TUB: variants seen among roughly 807,000 people sequenced by gnomAD.
The protein encoded by TUB is TUB bipartite transcription factor, also known as tubby protein homolog.
In TUB, 33 loss-of-function variants were observed where a neutral mutation model predicts 59.7. The ratio of observed to expected loss-of-function variants is 0.55; its 90% CI spans 0.42 to 0.74. The LOEUF (loss-of-function observed/expected upper bound fraction) is 0.74, where lower values mean the gene tolerates loss of function less well. TUB is among the 30% of genes least tolerant of loss of function. TUB has a pLI of 0.00. For missense variants in TUB, 659 were observed against 672.0 expected (o/e 0.98, Z 0.21); for synonymous variants, 293 against 256.4 (o/e 1.14, Z -1.36).
At chr11:8,084,540 G>C (rs1456076584) in intron 1 of TUB, among the ~76,000 whole-genome samples, 1 of 152,250 alleles carries the variant, frequency 6.6e-6, no homozygotes, top group African/African-American at 2.4e-5. Context: ...GGAGGACTAT[G>C]CTGGGTGGGA....
At position 8,104,863 on chromosome 11, in the gene TUB, A is replaced by G. The variant is rs1358771973; in HGVS notation, c.*3244A>G. ...CAGGACTGTGATAATCAGAAGCTAT[A>G]AGAGAACTTTCGGAGCCTGCCTCCT... On this transcript the variant is annotated 3_prime_UTR_variant, in exon 12 of 12. Coordinates refer to ENST00000299506, the MANE Select transcript of TUB (RefSeq NM_177972.3). 1.3e-5 allele frequency: 2 copies of G among 152,142 alleles called. No homozygotes were observed. Among genetic ancestry groups the G allele is most frequent in the Non-Finnish European group, 2.9e-5 (2 of 68,024 alleles). The allele number at this position is 152,142 out of a possible 1,614,324, so 9.4% of individuals were successfully genotyped here. A position where few individuals can be genotyped will look rare whatever the true frequency, so the allele number is the denominator to read the frequency against.
chr11:8,044,302 G>A (rs948253392), intron 2 of TUB, among the ~76,000 whole-genome samples: 6 of 152,064 alleles, frequency 3.9e-5, no homozygotes, highest in Middle Eastern at 3.4e-3. Context: ...TTGAATTTAC[G>A]AATCTTTGCT....
At chr11:8,024,631 C>G (rs1009663154) in intron 1 of TUB, among the ~76,000 whole-genome samples, 7 of 152,128 alleles carry the variant, frequency 4.6e-5, no homozygotes, top group African/African-American at 1.7e-4. Context: ...CAGTTCTTTG[C>G]TATTATAAAT....
chr11:8,097,433 T>TGGTCTG lies in TUB; in HGVS notation c.885+11_885+16dup. The stretch of plus-strand genomic sequence containing the variant: ...CGTGAGGATGGGAAGAAGGTAAGGT[T>TGGTCTG]GGTCTGGGCATGTTATCATCTAGGC... On this transcript the variant is annotated intron_variant, in intron 7 of 11. Coordinates refer to ENST00000299506, the MANE Select transcript of TUB (RefSeq NM_177972.3). 6.2e-7 allele frequency: 1 copy of TGGTCTG among 1,614,186 alleles called. No individual in the cohort carries two copies. Among genetic ancestry groups the TGGTCTG allele is most frequent in the Non-Finnish European group, 8.5e-7 (1 of 1,180,024 alleles).
chr11:8,030,477 C>G (rs1189087776), intron 1 of TUB, among the ~76,000 whole-genome samples: 1 of 152,158 alleles, frequency 6.6e-6, no homozygotes, highest in Non-Finnish European at 1.5e-5. Flanking sequence ...GCAGTTAGAT[C>G]TCTGGGCTCA....
chr11:8,058,173 C>T (rs1273285333), intron 2 of TUB, among the ~76,000 whole-genome samples: 1 of 149,162 alleles, frequency 6.7e-6, no homozygotes, highest in Non-Finnish European at 1.5e-5. Flanking sequence ...GATCACACCA[C>T]TGCACTCCAG....
rs1943037512 is a variant in TUB at position 8,057,401 on chromosome 11, GAGA to G, written c.203+17712_203+17714del. On this transcript the variant is annotated intron_variant, in intron 2 of 12. Coordinates refer to the TUB transcript ENST00000305253. ...TTTTATTTCTGTAACCGGTCACAGG[GAGA>G]AGGCCTGGAAATTATTGCCAGACCA... is the stretch of plus-strand genomic sequence containing the variant. 2.0e-5 allele frequency among the ~76,000 whole-genome samples: 3 copies of G among 152,118 alleles called. No homozygotes were observed. The South Asian group carries it at 6.2e-4, about 32-fold the overall frequency.
chr11:8,024,214 A>G (rs186149526), intron 1 of TUB, among the ~76,000 whole-genome samples: 74 of 152,308 alleles, frequency 4.9e-4, no homozygotes, highest in Non-Finnish European at 9.0e-4. Context: ...TCCCTCACGT[A>G]TGCTCAGCAC....
At chr11:8,084,659 T>C (rs557018229) in intron 1 of TUB, among the ~76,000 whole-genome samples, 1 of 152,314 alleles carries the variant, frequency 6.6e-6, no homozygotes, top group Non-Finnish European at 1.5e-5. Context: ...CTTATCTGGT[T>C]CCTGGTCATG....
intron 1 of TUB, among the ~76,000 whole-genome samples, chr11:8,023,432 A>C (rs1216086283): frequency 1.3e-5 from 2 of 152,190 alleles, no homozygotes; most frequent in Non-Finnish European, 2.9e-5. Flanking sequence ...AGCACATGCC[A>C]AAGTGCTCCT....
chr11:8,096,709 A>G lies in TUB; in HGVS notation c.590A>G (p.Asp197Gly), dbSNP rs1944009126. 6.2e-7 allele frequency: 1 copy of G among 1,613,058 alleles called. No individual in the cohort carries two copies. Among genetic ancestry groups the G allele is most frequent in the Non-Finnish European group, 8.5e-7 (1 of 1,179,184 alleles). The part of the protein sequence containing the change: ...RKGISSSMSF[D>G]EDEEDEEENS... The stretch of plus-strand genomic sequence containing the variant: ...GGCATCTCCAGCAGCATGAGCTTTG[A>G]CGAGGATGAGGAGGATGAGGAGGAG... Residue 197 changes from aspartate to glycine, a missense_variant, in exon 6 of 12, where the codon GAC becomes GGC. Physicochemically the swap from Asp to Gly is moderately conservative, Grantham distance 94 (BLOSUM62 -1). This residue lies in a region of TUB where 321 missense variants were observed against 304.3 expected (regional missense o/e 1.05). Transcript: ENST00000299506.
intron 2 of TUB, among the ~76,000 whole-genome samples, chr11:8,042,393 G>T (rs927871112): frequency 6.6e-6 from 1 of 152,056 alleles, no homozygotes; most frequent in Non-Finnish European, 1.5e-5. Context: ...GAACATTTGG[G>T]TGTTTCCACA....
chr11:8,036,223 G>T (rs1231215803), upstream of TUB, among the ~76,000 whole-genome samples: 2 of 151,802 alleles, frequency 1.3e-5, no homozygotes, highest in East Asian at 3.9e-4. Flanking sequence ...GGTCTCAGGG[G>T]ACATGTATCA....
intron 8 of TUB, among the ~76,000 whole-genome samples, chr11:8,098,188 C>G (rs1383376245): frequency 4.6e-5 from 7 of 151,596 alleles, no homozygotes; most frequent in South Asian, 2.1e-4. Context: ...AGGGAAGAGA[C>G]ACACAGCAAT....
At chr11:8,040,902 C>T (rs78720361) in intron 2 of TUB, among the ~76,000 whole-genome samples, 2,089 of 152,330 alleles carry the variant, frequency 0.014, 64 homozygotes, top group African/African-American at 0.047. Context: ...CCACATCCAA[C>T]CCCTTGTGTA....
intron 2 of TUB, among the ~76,000 whole-genome samples, chr11:8,059,823 T>C (rs1431561168): frequency 1.3e-5 from 2 of 152,008 alleles, no homozygotes; most frequent in Admixed American, 1.3e-4. Flanking sequence ...GGGTTGGCTT[T>C]TAAAAGTGTA....
chr11:8,059,845 G>A lies in TUB; in HGVS notation c.203+20153G>A, dbSNP rs1943088481. 3.9e-5 allele frequency among the ~76,000 whole-genome samples: 6 copies of A among 152,162 alleles called. 1 individual carries two copies. Among genetic ancestry groups the A allele is most frequent in the Admixed American group, 3.3e-4 (5 of 15,278 alleles). ...CTTTTAAAAGTGTAATGTTCCTGGA[G>A]CAGGCAGAACTGCAGTCAAGGAGAC... On this transcript the variant is annotated intron_variant, in intron 2 of 12. Coordinates refer to the TUB transcript ENST00000305253.
At chr11:8,063,515 T>C (rs569074267) in intron 2 of TUB, among the ~76,000 whole-genome samples, 1 of 152,282 alleles carries the variant, frequency 6.6e-6, no homozygotes, top group South Asian at 2.1e-4. Flanking sequence ...TGCACATTCA[T>C]TTTGCCCCAG....
chr11:8,046,302 A>T (rs1257925289), intron 2 of TUB, among the ~76,000 whole-genome samples: 2 of 152,160 alleles, frequency 1.3e-5, no homozygotes, highest in African/African-American at 4.8e-5. Flanking sequence ...GCAGAAATGT[A>T]AATCTAGGCC....
Sources: gnomAD v4.1 joint callset for allele counts (sites outside exome capture counted in the v4.1 genomes callset) on GRCh38, gnomAD v4.1.1 for gene constraint, gnomAD v4.1.1 regional missense constraint, MANE v1.5 for transcripts, NCBI Gene and HGNC (gene_info 2026-07-23, HGNC 2026-07-21) for gene names.